The following CHMP4C variants were observed in gnomAD, a reference collection of about 807,000 sequenced individuals.
CHMP4C encodes the protein SNF7 homolog associated with Alix 3.
Under a neutral mutation model 29.0 loss-of-function variants are expected in CHMP4C, and 28 were observed. The observed-to-expected ratio is 0.97, with a 90% CI of 0.72 to 1.32. The LOEUF is 1.32. Among genes scored for constraint, CHMP4C ranks in the 40% most tolerant of loss-of-function variants. The probability of loss-of-function intolerance (pLI) is 0.00; values close to 1 mark genes in which losing one functional copy is unlikely to be tolerated. For missense variants in CHMP4C, 291 were observed against 281.0 expected (o/e 1.04, Z -0.25); for synonymous variants, 106 against 102.4 (o/e 1.04, Z -0.21).
At chr8:81,756,917 C>G (rs561625004) in intron 3 of CHMP4C, among the ~76,000 whole-genome samples, 8 of 152,232 alleles carry the variant, frequency 5.3e-5, no homozygotes, top group African/African-American at 1.9e-4. Flanking sequence ...ATCAAGTACA[C>G]AACTATATTG....
At chr8:81,750,848 A>G (rs577518255) in intron 1 of CHMP4C, among the ~76,000 whole-genome samples, 36 of 152,260 alleles carry the variant, frequency 2.4e-4, no homozygotes, top group African/African-American at 8.7e-4. Flanking sequence ...GACCGAAAAT[A>G]CTCACCGAAT....
intron 1 of CHMP4C, among the ~76,000 whole-genome samples, chr8:81,740,496 G>T (rs935769185): frequency 6.6e-6 from 1 of 152,188 alleles, no homozygotes; most frequent in Non-Finnish European, 1.5e-5. Flanking sequence ...CTGCTTTGCA[G>T]CCCAGTTCCT....
At chr8:81,737,326 A>G (rs1156866803) in intron 1 of CHMP4C, among the ~76,000 whole-genome samples, 1 of 152,078 alleles carries the variant, frequency 6.6e-6, no homozygotes. Context: ...CCTGTGGGCC[A>G]GGGTTAAGGA....
chr8:81,752,053 G>A (rs1270431602), intron 1 of CHMP4C, among the ~76,000 whole-genome samples: 1 of 151,654 alleles, frequency 6.6e-6, no homozygotes, highest in African/African-American at 2.4e-5. Context: ...TGTGCACCAT[G>A]GAAAAAGCAC....
rs575641382 is a variant in CHMP4C, at chr8:81,742,584, A to G, written c.190+9768A>G. ...TAGTGAATCTTTTTGGCTCTATCACATGGTGTTATATGCTACGTAGTCATA... is the reference window on the plus strand; with the variant it reads ...TAGTGAATCTTTTTGGCTCTATCACGTGGTGTTATATGCTACGTAGTCATA... On this transcript the variant is annotated intron_variant, in intron 1 of 4. Coordinates refer to ENST00000297265, the MANE Select transcript of CHMP4C (RefSeq NM_152284.4). 3.9e-5 allele frequency among the ~76,000 whole-genome samples: 6 copies of G among 152,280 alleles called. No homozygotes were observed. In the South Asian group the frequency reaches 1.0e-3, roughly 26 times the overall value.
intron 1 of CHMP4C, among the ~76,000 whole-genome samples, chr8:81,738,905 A>G (rs776066468): frequency 6.6e-6 from 1 of 152,178 alleles, no homozygotes; most frequent in Non-Finnish European, 1.5e-5. Flanking sequence ...AAGTAACTCA[A>G]TGACTGCTCC....
Position 81,732,925 on chromosome 8 carries a change from C to A in CHMP4C, c.190+109C>A, listed in dbSNP as rs1003327836. 56 of 1,033,188 alleles carry A rather than the reference C, an allele frequency of 5.4e-5. No homozygotes were observed. The African/African-American group carries it at 8.1e-4, about 15-fold the overall frequency. The allele number at this position is 1,033,188 out of a possible 1,614,324, so 64.0% of individuals were successfully genotyped here. A position where few individuals can be genotyped will look rare whatever the true frequency, so the allele number is the denominator to read the frequency against. On this transcript the variant is annotated intron_variant, in intron 1 of 4. Coordinates refer to ENST00000297265, the MANE Select transcript of CHMP4C (RefSeq NM_152284.4). ...CCCCAGGTGGCCAGGTTTGCTCCTG[C>A]AGTCTTTTCTAGGAACTGGTACTGA...
intron 1 of CHMP4C, among the ~76,000 whole-genome samples, chr8:81,743,255 ATATAT>A (rs761372990): frequency 2.0e-5 from 3 of 150,528 alleles, no homozygotes; most frequent in South Asian, 4.2e-4. Context: ...TATATACATA[ATATAT>A]TATATATAAT....
chr8:81,732,955 T>C, intron 1 of CHMP4C, 139 bp downstream of exon 1: 1 of 735,652 alleles, frequency 1.4e-6, no homozygotes. Flanking sequence ...TACTGACTCT[T>C]AGGGCACTGA....
chr8:81,758,496 A>G lies in CHMP4C; in HGVS notation c.654A>G (p.Ala218=). The change falls in exon 5 of 5, where the codon GCA becomes GCG. Residue 218 remains alanine, a synonymous_variant. Transcript: ENST00000297265. ...ATGTTCCAGCATCTTCCCAGAGGGC[A>G]GAAGAAGAGGATGATGATATCAAAC... ...RRSRAASSQR[A]EEEDDDIKQL... 6.2e-7 allele frequency: 1 copy of G among 1,613,180 alleles called. No homozygotes were observed. The highest frequency in any genetic ancestry group is 8.5e-7 in the Non-Finnish European group (1 of 1,179,236).
At chr8:81,739,087 T>C (rs938708726) in intron 1 of CHMP4C, among the ~76,000 whole-genome samples, 3 of 144,352 alleles carry the variant, frequency 2.1e-5, no homozygotes, top group Non-Finnish European at 4.5e-5. Context: ...TTACTCTTTT[T>C]TTCTTTTCCC....
chr8:81,743,635 G>A (rs1808790305), intron 1 of CHMP4C, among the ~76,000 whole-genome samples: 1 of 152,166 alleles, frequency 6.6e-6, no homozygotes, highest in Non-Finnish European at 1.5e-5. Flanking sequence ...ATTTTAGTGA[G>A]TATTTAAAAT....
chr8:81,755,745 G>C (rs1382397841), intron 3 of CHMP4C, among the ~76,000 whole-genome samples: 1 of 152,194 alleles, frequency 6.6e-6, no homozygotes, highest in African/African-American at 2.4e-5. Flanking sequence ...GTGACTTTTA[G>C]TGGTTGAAGC....
intron 1 of CHMP4C, among the ~76,000 whole-genome samples, chr8:81,733,138 T>C (rs919580023): frequency 1.3e-5 from 2 of 152,170 alleles, no homozygotes; most frequent in African/African-American, 4.8e-5. Flanking sequence ...ACAAGATTGG[T>C]ATTGATTTTT....
chr8:81,733,022 A>T, intron 1 of CHMP4C: 1 of 415,178 alleles, frequency 2.4e-6, no homozygotes, highest in Non-Finnish European at 4.3e-6. Context: ...GGGCCGCCAA[A>T]AATCTCAGTA....
intron 1 of CHMP4C, among the ~76,000 whole-genome samples, chr8:81,737,284 G>T (rs373053348): frequency 6.6e-6 from 1 of 151,884 alleles, no homozygotes; most frequent in Non-Finnish European, 1.5e-5. Context: ...TCAGGCATCT[G>T]TTTTTTTTAA....
chr8:81,757,881 A>G (rs770383416), intron 3 of CHMP4C, among the ~76,000 whole-genome samples: 1 of 152,210 alleles, frequency 6.6e-6, no homozygotes, highest in East Asian at 1.9e-4. Flanking sequence ...TGGGGAGGTT[A>G]TATATTCAGC....
intron 1 of CHMP4C, among the ~76,000 whole-genome samples, chr8:81,745,143 A>C (rs1244387108): frequency 6.6e-6 from 1 of 152,218 alleles, no homozygotes; most frequent in African/African-American, 2.4e-5. Flanking sequence ...TATATGAGTA[A>C]GAACAGGGCT....
At position 81,753,144 on chromosome 8, in the gene CHMP4C, T is replaced by C; in HGVS notation, c.271T>C (p.Phe91Leu). 6.2e-7 allele frequency: 1 copy of C among 1,612,672 alleles called. No individual in the cohort carries two copies. Among genetic ancestry groups the C allele is most frequent in the Non-Finnish European group, 8.5e-7 (1 of 1,179,092 alleles). ...QIDGTLSTIE[F>L]QREALENSHT... Reference sequence around the variant, plus strand: ...TGATGGCACACTTTCTACCATTGAGTTCCAGAGAGAAGCCCTGGAGAACTC... The same window carrying C: ...TGATGGCACACTTTCTACCATTGAGCTCCAGAGAGAAGCCCTGGAGAACTC... The change falls in exon 2 of 5, where the codon TTC (phenylalanine) becomes CTC (leucine). Residue 91 changes from phenylalanine to leucine, a missense_variant. Phe to Leu is a conservative substitution (Grantham distance 22). Coordinates refer to ENST00000297265, the MANE Select transcript of CHMP4C (RefSeq NM_152284.4).
Sources: allele counts gnomAD v4.1 joint callset (sites outside exome capture counted in the v4.1 genomes callset), GRCh38; gene constraint gnomAD v4.1.1; transcripts MANE v1.5; gene names NCBI Gene and HGNC (gene_info 2026-07-23, HGNC 2026-07-21).